BRWD3: variants seen among roughly 807,000 people sequenced by gnomAD.
BRWD3 encodes the protein bromodomain and WD repeat-containing protein 3.
A neutral mutation model predicts 149.7 loss-of-function variants in BRWD3; 10 were observed. The observed-to-expected ratio is 0.07, with a 90% confidence interval of 0.04 to 0.11. The LOEUF is 0.11. BRWD3 is among the 10% of genes least tolerant of loss of function. The probability of loss-of-function intolerance (pLI) is 1.00; values close to 1 mark genes in which losing one functional copy is unlikely to be tolerated. For synonymous variants in BRWD3, 504 were observed against 456.7 expected, an observed-to-expected ratio of 1.10 and a Z score of -1.32; for missense variants, 940 against 1,373.2, an observed-to-expected ratio of 0.68 and a Z score of 4.99.
chrX:80,725,886 C>A (rs1392514797), intron 14 of BRWD3, among the ~76,000 whole-genome samples: 1 of 108,362 alleles, frequency 9.2e-6, no homozygotes, highest in Non-Finnish European at 1.9e-5. Context: ...GTGTTACATG[C>A]CTATATAACA....
rs780398965 is a variant in BRWD3 at position 80,787,807 on chromosome X, G to A, written c.430+4047C>T. Among the ~76,000 whole-genome samples the A allele has an allele frequency of 3.7e-3, 410 of 111,494 alleles. 2 individuals carry two copies. Among genetic ancestry groups the A allele is most frequent in the African/African-American group, 0.013 (387 of 30,686 alleles). On this transcript the variant is annotated intron_variant, in intron 6 of 40. Transcript: ENST00000373275. ...GTTCTTTGAAAGACACTGGTAGGCCGGGCGTGGTGGCTCACGCCTGTAATC... is the reference window on the plus strand; with the variant it reads ...GTTCTTTGAAAGACACTGGTAGGCCAGGCGTGGTGGCTCACGCCTGTAATC...
intron 6 of BRWD3, among the ~76,000 whole-genome samples, chrX:80,748,660 ATTGT>A (rs1344070679): frequency 1.8e-5 from 2 of 110,171 alleles, no homozygotes; most frequent in Non-Finnish European, 3.8e-5. Flanking sequence ...ATTTGTCAAT[ATTGT>A]TTACCTTTTT....
chrX:80,801,695 AC>A (rs2074299558), intron 4 of BRWD3, among the ~76,000 whole-genome samples: 1 of 109,360 alleles, frequency 9.1e-6, no homozygotes, highest in African/African-American at 3.3e-5. Context: ...ACAAAAAATT[AC>A]GTGGGCATGG....
intron 5 of BRWD3, among the ~76,000 whole-genome samples, chrX:80,793,195 T>C (rs2074202034): frequency 1.0e-5 from 1 of 97,747 alleles, no homozygotes; most frequent in African/African-American, 3.7e-5. Context: ...AAATTACTGA[T>C]AGGTTGATAT....
At chrX:80,739,028 A>C (rs1385736193) in intron 8 of BRWD3, among the ~76,000 whole-genome samples, 5 of 111,964 alleles carry the variant, frequency 4.5e-5, no homozygotes, top group Admixed American at 9.5e-5. Context: ...TTGTCTGTTA[A>C]ACTGAGAGAC....
At chrX:80,687,342 G>C (rs1206749821) in intron 34 of BRWD3, among the ~76,000 whole-genome samples, 1 of 111,190 alleles carries the variant, frequency 9.0e-6, no homozygotes, top group Non-Finnish European at 1.9e-5. Context: ...AAGTATACTT[G>C]ACAATGGCAT....
Position 80,717,663 on chromosome X carries a change from T to C in BRWD3, c.2141A>G (p.Asn714Ser). 1 of 1,210,774 alleles carries C rather than the reference T, an allele frequency of 8.3e-7. No homozygotes were observed. The highest frequency in any genetic ancestry group is 1.8e-5 in the South Asian group (1 of 57,011). The change falls in exon 19 of 41, where the codon AAT (asparagine) becomes AGT (serine). Residue 714 changes from asparagine (N) to serine (S), a missense_variant. By Grantham distance (46) the Asn-to-Ser change is conservative. Coordinates refer to ENST00000373275, the MANE Select transcript of BRWD3 (RefSeq NM_153252.5). ...AGTGGCCATCTGGCTCCGAGGAGCA[T>C]TGTTATGCATTTGTCTAACACCTTC... ...QIEGVRQMHN[N>S]APRSQMATER...
intron 6 of BRWD3, among the ~76,000 whole-genome samples, chrX:80,783,830 C>T (rs926070933): frequency 1.8e-5 from 2 of 111,623 alleles, no homozygotes; most frequent in Non-Finnish European, 3.8e-5. Context: ...CACAGAAAGA[C>T]AAACTTTACA....
At chrX:80,682,735 T>C (rs1392663668) in intron 37 of BRWD3, 107 bp from the exon 38 acceptor site, 1 of 780,830 alleles carries the variant, frequency 1.3e-6, no homozygotes, top group Non-Finnish European at 1.8e-6. Flanking sequence ...AAAATATCTG[T>C]TCACTTGAAA....
intron 6 of BRWD3, among the ~76,000 whole-genome samples, chrX:80,748,372 G>A (rs934814064): frequency 8.9e-6 from 1 of 112,005 alleles, no homozygotes; most frequent in Non-Finnish European, 1.9e-5. Context: ...AACACTGCCT[G>A]AATTTGGTAT....
intron 4 of BRWD3, among the ~76,000 whole-genome samples, chrX:80,804,469 C>G (rs1023841228): frequency 1.3e-4 from 14 of 111,439 alleles, no homozygotes; most frequent in Non-Finnish European, 1.3e-4. Flanking sequence ...AACTCCTGAC[C>G]TCAAGTGATC....
At chrX:80,729,052 G>T in intron 13 of BRWD3, 147 bp from the exon 14 acceptor site, 1 of 499,342 alleles carries the variant, frequency 2.0e-6, no homozygotes, top group Non-Finnish European at 3.3e-6. Flanking sequence ...ATTCATGAAA[G>T]AAAAAAATAA....
intron 33 of BRWD3, among the ~76,000 whole-genome samples, chrX:80,688,449 T>A (rs2072564336): frequency 8.9e-6 from 1 of 111,872 alleles, no homozygotes; most frequent in African/African-American, 3.2e-5. Flanking sequence ...CTATATGACA[T>A]GCTTATTTAA....
chrX:80,756,965 T>C (rs1169790733), intron 6 of BRWD3, among the ~76,000 whole-genome samples: 1 of 111,653 alleles, frequency 9.0e-6, no homozygotes, highest in African/African-American at 3.3e-5. Flanking sequence ...AGTCTAGAGA[T>C]GAGCAATTTA....
At chrX:80,688,631 G>C (rs1409455445) in intron 33 of BRWD3, among the ~76,000 whole-genome samples, 2 of 110,688 alleles carry the variant, frequency 1.8e-5, no homozygotes, top group Non-Finnish European at 3.8e-5. Context: ...TAGTGCTGGT[G>C]AAACACTGGG....
In BRWD3 at chrX:80,726,988, T is replaced by C. The variant is rs186423253; in HGVS notation, c.1386+1764A>G. Among the ~76,000 whole-genome samples, 3 of 106,040 alleles carry C rather than the reference T, an allele frequency of 2.8e-5. No individual in the cohort carries two copies. The Admixed American group carries it at 3.0e-4, about 11-fold the overall frequency. 92.1% of individuals were successfully genotyped at this position (106,040 alleles called of 115,157 possible). On this transcript the variant is annotated intron_variant, in intron 14 of 40. Coordinates refer to ENST00000373275, the MANE Select transcript of BRWD3 (RefSeq NM_153252.5). Reference sequence around the variant, plus strand: ...ATGACATGACTACTTCAATGTACATTAGGGAAAAAAAAAAACTTTGAAGCT... The same window carrying C: ...ATGACATGACTACTTCAATGTACATCAGGGAAAAAAAAAAACTTTGAAGCT...
intron 14 of BRWD3, among the ~76,000 whole-genome samples, chrX:80,727,888 C>A (rs886872677): frequency 9.0e-6 from 1 of 111,707 alleles, no homozygotes; most frequent in African/African-American, 3.2e-5. Flanking sequence ...AAAGGTATTT[C>A]TCATAATAGG....
chrX:80,757,051 C>T (rs1279074580), intron 6 of BRWD3, among the ~76,000 whole-genome samples: 1 of 111,922 alleles, frequency 8.9e-6, no homozygotes, highest in East Asian at 2.8e-4. Flanking sequence ...CCCCATACTC[C>T]TAGCCTGATG....
At chrX:80,711,352 GT>G (rs2072964985) in intron 20 of BRWD3, among the ~76,000 whole-genome samples, 1 of 111,754 alleles carries the variant, frequency 8.9e-6, no homozygotes, top group African/African-American at 3.3e-5. Flanking sequence ...CATCAGAGGG[GT>G]TTTACTTAAC....
Sources: gnomAD v4.1 joint callset for allele counts (sites outside exome capture counted in the v4.1 genomes callset) on GRCh38, gnomAD v4.1.1 for gene constraint, MANE v1.5 for transcripts, NCBI Gene and HGNC (gene_info 2026-07-23, HGNC 2026-07-21) for gene names.